NETO2: variants seen among roughly 807,000 people sequenced by gnomAD.
NETO2 encodes neuropilin and tolloid-like protein 2.
A neutral mutation model predicts 62.5 loss-of-function variants in NETO2; 28 were observed. The observed-to-expected ratio is 0.45, with a 90% CI of 0.33 to 0.61. The LOEUF (loss-of-function observed/expected upper bound fraction) is 0.61, where lower values mean the gene tolerates loss of function less well. Among genes scored for constraint, NETO2 ranks in the 20% least tolerant of loss-of-function variants. The probability of loss-of-function intolerance (pLI) is 0.02; values close to 1 mark genes in which losing one functional copy is unlikely to be tolerated. For synonymous variants in NETO2, 214 were observed against 219.1 expected, an observed-to-expected ratio of 0.98 and a Z score of 0.21; for missense variants, 548 against 643.2, an observed-to-expected ratio of 0.85 and a Z score of 1.60.
chr16:47,112,420 G>C (rs1016795963), intron 6 of NETO2, among the ~76,000 whole-genome samples: 1 of 152,138 alleles, frequency 6.6e-6, no homozygotes, highest in Non-Finnish European at 1.5e-5. Context: ...GTTCAGTCGC[G>C]TGATCGCGGC....
intron 7 of NETO2, among the ~76,000 whole-genome samples, chr16:47,093,411 A>G (rs946374593): frequency 6.6e-6 from 1 of 152,186 alleles, no homozygotes; most frequent in Non-Finnish European, 1.5e-5. Context: ...GAACTTGGAT[A>G]TTTAACAGGA....
chr16:47,099,880 T>C (rs1364063986), intron 7 of NETO2, among the ~76,000 whole-genome samples: 1 of 152,122 alleles, frequency 6.6e-6, no homozygotes, highest in Non-Finnish European at 1.5e-5. Flanking sequence ...TAACAACTCA[T>C]TGTCAATATT....
At chr16:47,113,584 TC>T (rs1308961926) in intron 6 of NETO2, among the ~76,000 whole-genome samples, 2 of 149,600 alleles carry the variant, frequency 1.3e-5, no homozygotes, top group Non-Finnish European at 1.5e-5. Context: ...CACAGTTTAT[TC>T]TTTTTTTTTT....
At chr16:47,125,798 C>T (rs190213546) in intron 4 of NETO2, among the ~76,000 whole-genome samples, 6 of 152,288 alleles carry the variant, frequency 3.9e-5, no homozygotes, top group Admixed American at 2.6e-4. Context: ...TCATGCAATC[C>T]TCCAGCCTCA....
rs115290495 is a variant in NETO2, at chr16:47,132,506, C to A, written c.35-481G>T. Among the ~76,000 whole-genome samples the A allele has an allele frequency of 1.6e-3, 245 of 152,282 alleles. 3 individuals are homozygous for A. The highest frequency in any genetic ancestry group is 5.7e-3 in the African/African-American group (235 of 41,560). On this transcript the variant is annotated intron_variant, in intron 1 of 8. Transcript: ENST00000562435. ...AAGGGGGCAGCAGTCTCCTAGAAAT[C>A]AATTCAAACTGTCTTATCATTGTGC...
At chr16:47,104,381 T>C (rs1335483652) in intron 7 of NETO2, among the ~76,000 whole-genome samples, 1 of 152,202 alleles carries the variant, frequency 6.6e-6, no homozygotes, top group East Asian at 1.9e-4. Context: ...GAATTACAGA[T>C]GAAAAATCAA....
intron 2 of NETO2, among the ~76,000 whole-genome samples, 173 bp from the exon 3 acceptor site, chr16:47,129,537 G>C (rs1964223638): frequency 6.6e-6 from 1 of 152,092 alleles, no homozygotes; most frequent in South Asian, 2.1e-4. Flanking sequence ...AGAGAGGGAG[G>C]GAAAACTTGC....
chr16:47,096,235 A>C (rs1255473062), intron 7 of NETO2, among the ~76,000 whole-genome samples: 1 of 152,206 alleles, frequency 6.6e-6, no homozygotes, highest in Admixed American at 6.5e-5. Context: ...CAATAGTTTA[A>C]CTTTATACCT....
At position 47,083,219 on chromosome 16, in the gene NETO2, G is replaced by T; in HGVS notation, c.*2C>A. 2 of 1,603,134 alleles carry T rather than the reference G, an allele frequency of 1.2e-6. No homozygotes were observed. Among genetic ancestry groups the T allele is most frequent in the Non-Finnish European group, 1.7e-6 (2 of 1,173,828 alleles). On this transcript the variant is annotated 3_prime_UTR_variant, in exon 9 of 9. Coordinates refer to ENST00000562435, the MANE Select transcript of NETO2 (RefSeq NM_018092.5). ...AGAATTCACATCACCATTAGCAGAA[G>T]ATTAGAAGTCAATGGATATGGATGC...
chr16:47,095,650 C>T (rs1469539864), intron 7 of NETO2, among the ~76,000 whole-genome samples: 2 of 152,022 alleles, frequency 1.3e-5, no homozygotes, highest in Middle Eastern at 3.2e-3. Context: ...CAAAGGAGCC[C>T]TAAAATATAT....
In NETO2 at chr16:47,126,821, G is replaced by A. The variant is rs187904120; in HGVS notation, c.481+1504C>T. ...TTTACTTTTTGGAAATATCCTTTTG[G>A]TATTGTGCAAATAAATACTTGGTTG... is the stretch of plus-strand genomic sequence containing the variant. On this transcript the variant is annotated intron_variant, in intron 4 of 8. Coordinates refer to ENST00000562435, the MANE Select transcript of NETO2 (RefSeq NM_018092.5). Among the ~76,000 whole-genome samples the A allele has an allele frequency of 2.6e-5, 4 of 152,154 alleles. No homozygotes were observed. The East Asian group carries it at 7.7e-4, about 29-fold the overall frequency.
intron 1 of NETO2, among the ~76,000 whole-genome samples, chr16:47,140,084 T>C (rs909446684): frequency 1.3e-5 from 2 of 152,244 alleles, no homozygotes; most frequent in South Asian, 2.1e-4. Context: ...AACAAACCCG[T>C]TGAAGTGTCA....
At chr16:47,127,228 C>T (rs1460381933) in intron 4 of NETO2, among the ~76,000 whole-genome samples, 1 of 152,080 alleles carries the variant, frequency 6.6e-6, no homozygotes, top group Admixed American at 6.5e-5. Flanking sequence ...TTGGTGAAGA[C>T]AGGAACAATA....
Position 47,101,351 on chromosome 16 carries a change from A to G in NETO2, c.883+8132T>C, listed in dbSNP as rs567295351. Among the ~76,000 whole-genome samples, 8 of 152,340 alleles carry G rather than the reference A, an allele frequency of 5.3e-5. No individual in the cohort carries two copies. The East Asian group carries it at 1.3e-3, about 26-fold the overall frequency. ...TCATACTGAATGGGCAAAAGCTGGA[A>G]GCATTCCCTTTGAAAACTGGCACAA... On this transcript the variant is annotated intron_variant, in intron 7 of 8. Transcript: ENST00000562435.
chr16:47,126,458 G>A (rs1333891869), intron 4 of NETO2, among the ~76,000 whole-genome samples: 1 of 152,202 alleles, frequency 6.6e-6, no homozygotes, highest in East Asian at 1.9e-4. Flanking sequence ...ATCAGCGATT[G>A]CCAGTGGTTT....
At position 47,109,652 on chromosome 16, in the gene NETO2, G is replaced by A. The variant is rs139454743; in HGVS notation, c.714C>T (p.Phe238=). 172 of 1,614,072 alleles carry A rather than the reference G, an allele frequency of 1.1e-4. 1 individual carries two copies. The highest frequency in any genetic ancestry group is 1.6e-4 in the Middle Eastern group (1 of 6,062). ...MEHSNECKRN[F]VAVYDGSSSI... is the part of the protein sequence containing the mutation. ...AACTGCTTCCATCATAGACTGCAACGAAGTTTCTCTTGCATTCATTTGAGT... is the reference window on the plus strand; with the variant it reads ...AACTGCTTCCATCATAGACTGCAACAAAGTTTCTCTTGCATTCATTTGAGT... Residue 238 remains phenylalanine, a synonymous_variant, in exon 7 of 9, where the codon TTC becomes TTT. Coordinates refer to ENST00000562435, the MANE Select transcript of NETO2 (RefSeq NM_018092.5).
At position 47,081,209 on chromosome 16, in the gene NETO2, C is replaced by T. The variant is rs1567375753; in HGVS notation, c.*2012G>A. On this transcript the variant is annotated 3_prime_UTR_variant, in exon 9 of 9. Coordinates refer to ENST00000562435, the MANE Select transcript of NETO2 (RefSeq NM_018092.5). ...TGAATAATTTTACATAGAAAATATG[C>T]TAACTTCCCTTTTATCATCATAAGA... The T allele has an allele frequency of 6.6e-6, 1 of 152,084 alleles. No individual in the cohort carries two copies. The highest frequency in any genetic ancestry group is 2.4e-5 in the African/African-American group (1 of 41,426). The allele number at this position is 152,084 out of a possible 1,614,324, so 9.4% of individuals were successfully genotyped here.
At chr16:47,123,739 C>A (rs1417902809) in intron 4 of NETO2, among the ~76,000 whole-genome samples, 2 of 152,078 alleles carry the variant, frequency 1.3e-5, no homozygotes, top group Non-Finnish European at 2.9e-5. Flanking sequence ...ACACTGTTGC[C>A]CAGGCAGGAG....
intron 8 of NETO2, 23 bp from the exon 9 acceptor site, chr16:47,083,824 G>A: frequency 2.6e-6 from 4 of 1,522,628 alleles, no homozygotes; most frequent in South Asian, 1.2e-5. Flanking sequence ...AATGAGAAAC[G>A]TTAAGTTTTC....
Sources: allele counts gnomAD v4.1 joint callset (sites outside exome capture counted in the v4.1 genomes callset), GRCh38; gene constraint gnomAD v4.1.1; transcripts MANE v1.5; gene names NCBI Gene and HGNC (gene_info 2026-07-23, HGNC 2026-07-21).